TMEM272: variants seen among roughly 807,000 people sequenced by gnomAD.
The protein encoded by TMEM272 is long intergenic non-protein coding RNA 282.
Under a neutral mutation model 3.7 loss-of-function variants are expected in TMEM272, and 8 were observed. The ratio of observed to expected loss-of-function variants is 2.17; its 90% CI spans 1.27 to 3.91. The LOEUF (loss-of-function observed/expected upper bound fraction) is 3.91, where lower values mean the gene tolerates loss of function less well. Ranked by LOEUF, TMEM272 falls within the 30% of genes most tolerant of loss-of-function variation. TMEM272 has a pLI of 0.00. For missense variants in TMEM272, 166 were observed against 91.5 expected, an observed-to-expected ratio of 1.81 and a Z score of -3.32; for synonymous variants, 63 against 39.8, an observed-to-expected ratio of 1.58 and a Z score of -2.20.
intron 1 of TMEM272, among the ~76,000 whole-genome samples, chr13:51,840,222 A>G (rs899022614): frequency 6.6e-6 from 1 of 152,068 alleles, no homozygotes; most frequent in African/African-American, 2.4e-5. Flanking sequence ...TTCACCCCAG[A>G]GCAATAAAGG....
In TMEM272 at chr13:51,838,215, C is replaced by T. The variant is rs537085283; in HGVS notation, c.58+258G>A. On this transcript the variant is annotated intron_variant, in intron 2 of 4. Coordinates refer to ENST00000629372, the MANE Select transcript of TMEM272 (RefSeq NM_001351003.2). The stretch of plus-strand genomic sequence containing the variant: ...CTGATTGTAGCAGTGACTCCGTTCA[C>T]ATGCATATTTTTCAAACACATATTA... Among the ~76,000 whole-genome samples, 14 of 152,340 alleles carry T rather than the reference C, an allele frequency of 9.2e-5. No individual in the cohort carries two copies. The South Asian group carries it at 2.7e-3, about 29-fold the overall frequency.
chr13:51,824,586 G>A (rs1185928274), intron 3 of TMEM272, among the ~76,000 whole-genome samples: 2 of 152,178 alleles, frequency 1.3e-5, no homozygotes, highest in African/African-American at 4.8e-5. Context: ...AATATCCATG[G>A]GAATTGGCTT....
At chr13:51,858,625 T>C in the TMEM272 span, among the ~76,000 whole-genome samples, 6 of 152,210 alleles carry the variant, frequency 3.9e-5, no homozygotes, top group African/African-American at 1.4e-4. Flanking sequence ...GTTGTAGGAC[T>C]TTCTCCTTAG....
At chr13:51,906,826 T>A in the TMEM272 span, among the ~76,000 whole-genome samples, 1 of 152,214 alleles carries the variant, frequency 6.6e-6, no homozygotes, top group Middle Eastern at 3.4e-3. Flanking sequence ...TGGACAAACA[T>A]CCAACTGACC....
chr13:51,910,677 A>G, the TMEM272 span: 4 of 441,588 alleles, frequency 9.1e-6, no homozygotes, highest in South Asian at 2.0e-5. Context: ...CGAGGCCACA[A>G]TAAGCGGCAG....
At chr13:51,868,400 A>C in the TMEM272 span, among the ~76,000 whole-genome samples, 1 of 152,248 alleles carries the variant, frequency 6.6e-6, no homozygotes, top group Non-Finnish European at 1.5e-5. Context: ...CACAGAGATG[A>C]ATGAAACCGA....
chr13:51,863,672 GACACACAC>G, the TMEM272 span, among the ~76,000 whole-genome samples: 151 of 134,362 alleles, frequency 1.1e-3, 1 homozygote, highest in Middle Eastern at 3.8e-3. Flanking sequence ...CGCGCACACA[GACACACAC>G]ACACACACAC....
chr13:51,909,819 G>A, the TMEM272 span: 1,262 of 1,588,338 alleles, frequency 7.9e-4, 24 homozygotes, highest in East Asian at 0.025. Flanking sequence ...CAAGCGTTCA[G>A]TCAGAGTCTC....
chr13:51,909,029 A>G, the TMEM272 span: 4 of 1,474,908 alleles, frequency 2.7e-6, no homozygotes, highest in East Asian at 9.1e-5. Flanking sequence ...GAAGATAGAG[A>G]AAAGCTCTCG....
chr13:51,846,470 A>C (rs1336318218), upstream of TMEM272, among the ~76,000 whole-genome samples: 1 of 152,242 alleles, frequency 6.6e-6, no homozygotes, highest in Non-Finnish European at 1.5e-5. Flanking sequence ...ACAATTATGT[A>C]CAGCACATGA....
chr13:51,819,062 A>G (rs1488645749), intron 4 of TMEM272, among the ~76,000 whole-genome samples: 1 of 152,232 alleles, frequency 6.6e-6, no homozygotes, highest in Non-Finnish European at 1.5e-5. Flanking sequence ...GAACATCTCC[A>G]TAAGAAAAGG....
chr13:51,907,405 C>A, the TMEM272 span, among the ~76,000 whole-genome samples: 3 of 152,268 alleles, frequency 2.0e-5, 1 homozygote, highest in Non-Finnish European at 4.4e-5. Flanking sequence ...ACAAACTAAC[C>A]AGTCGAGAGC....
chr13:51,850,895 G>C, the TMEM272 span, among the ~76,000 whole-genome samples: 1 of 152,158 alleles, frequency 6.6e-6, no homozygotes, highest in African/African-American at 2.4e-5. Context: ...CCAAGTTGAA[G>C]TTTCAAATTT....
intron 3 of TMEM272, 138 bp downstream of exon 3, chr13:51,826,428 T>C (rs1471649773): frequency 1.1e-5 from 7 of 621,268 alleles, no homozygotes; most frequent in Admixed American, 2.7e-5. Flanking sequence ...CATTCTGAGA[T>C]GGCACATAGG....
chr13:51,860,806 T>A, the TMEM272 span, among the ~76,000 whole-genome samples: 43 of 138,426 alleles, frequency 3.1e-4, no homozygotes, highest in East Asian at 1.5e-3. Flanking sequence ...ATAGAAAAAA[T>A]ATATATATAG....
chr13:51,910,563 G>C, the TMEM272 span: 1 of 686,112 alleles, frequency 1.5e-6, no homozygotes. Context: ...CATAACCCTG[G>C]GTAGCAACTG....
At chr13:51,895,788 C>T in the TMEM272 span, among the ~76,000 whole-genome samples, 4 of 152,244 alleles carry the variant, frequency 2.6e-5, no homozygotes, top group Admixed American at 1.3e-4. Flanking sequence ...GTTCCCAATG[C>T]GCCAAATGCT....
the TMEM272 span, chr13:51,866,075 G>T: frequency 6.4e-7 from 1 of 1,569,468 alleles, no homozygotes; most frequent in Non-Finnish European, 8.6e-7. Flanking sequence ...CCGAGGCAGG[G>T]CGTAGCCAGC....
chr13:51,880,093 C>A, the TMEM272 span, among the ~76,000 whole-genome samples: 1 of 152,066 alleles, frequency 6.6e-6, no homozygotes. Flanking sequence ...GGGTCGTCAA[C>A]GAAACTGTAG....
Sources: gnomAD v4.1 joint callset for allele counts (sites outside exome capture counted in the v4.1 genomes callset) on GRCh38, gnomAD v4.1.1 for gene constraint, MANE v1.5 for transcripts, NCBI Gene and HGNC (gene_info 2026-07-23, HGNC 2026-07-21) for gene names.